The following ADAM19 variants were observed in gnomAD, a reference collection of about 807,000 sequenced individuals.
The protein encoded by ADAM19 is disintegrin and metalloproteinase domain-containing protein 19.
In ADAM19, 65 loss-of-function variants were observed where a neutral mutation model predicts 114.7. The observed-to-expected ratio is 0.57, with a 90% confidence interval of 0.46 to 0.70. ADAM19 has a LOEUF of 0.70. Among genes scored for constraint, ADAM19 ranks in the 30% least tolerant of loss-of-function variants. The probability of loss-of-function intolerance (pLI) is 0.00; values close to 1 mark genes in which losing one functional copy is unlikely to be tolerated. For synonymous variants in ADAM19, 466 were observed against 460.5 expected (o/e 1.01, Z -0.15); for missense variants, 1,063 against 1,204.7 (o/e 0.88, Z 1.74).
At chr5:157,525,117 AG>A (rs1756416464) in intron 5 of ADAM19, among the ~76,000 whole-genome samples, 1 of 152,262 alleles carries the variant, frequency 6.6e-6, no homozygotes, top group Non-Finnish European at 1.5e-5. Flanking sequence ...TGAGAACTTA[AG>A]TAGCTTGGCA....
Position 157,494,540 on chromosome 5 carries a change from G to T in ADAM19, c.1703+147C>A, listed in dbSNP as rs191481240. 129 of 596,572 alleles carry T rather than the reference G, an allele frequency of 2.2e-4. 1 individual carries two copies. In the East Asian group the frequency reaches 3.8e-3, roughly 18 times the overall value. 37.0% of individuals were successfully genotyped at this position (596,572 alleles called of 1,614,324 possible). Reference sequence around the variant, plus strand: ...GCTGAAAAGTGCATTGTCAAACAGGGGGCCGAGAATAGATGACTGACTTCA... The same window carrying T: ...GCTGAAAAGTGCATTGTCAAACAGGTGGCCGAGAATAGATGACTGACTTCA... On this transcript the variant is annotated intron_variant, in intron 15 of 22. Transcript: ENST00000257527.
At chr5:157,517,673 C>T (rs1047511002) in intron 7 of ADAM19, among the ~76,000 whole-genome samples, 10 of 152,172 alleles carry the variant, frequency 6.6e-5, no homozygotes, top group Non-Finnish European at 1.5e-4. Flanking sequence ...CTCTGCGATG[C>T]CTGGGGAGGG....
rs565315352 is a variant in ADAM19, at chr5:157,545,341, G to A, written c.252-7350C>T. Reference sequence around the variant, plus strand: ...CCCCTCTCGTTGCATTGCTGACTAGGGCACCTGGAGTTGGTCAAGATCCCT... The same window carrying A: ...CCCCTCTCGTTGCATTGCTGACTAGAGCACCTGGAGTTGGTCAAGATCCCT... On this transcript the variant is annotated intron_variant, in intron 3 of 22. Coordinates refer to ENST00000257527, the MANE Select transcript of ADAM19 (RefSeq NM_033274.5). 1.4e-3 allele frequency among the ~76,000 whole-genome samples: 206 copies of A among 152,096 alleles called. 5 individuals carry two copies. The highest frequency in any genetic ancestry group is 4.1e-4 in the Non-Finnish European group (28 of 68,022).
At chr5:157,499,496 C>T in intron 13 of ADAM19, 77 bp downstream of exon 13, 2 of 1,288,644 alleles carry the variant, frequency 1.6e-6, no homozygotes, top group South Asian at 1.2e-5. Flanking sequence ...AAATCCCCAG[C>T]CATCCACCCC....
At chr5:157,573,512 G>A (rs1478289491) in intron 1 of ADAM19, among the ~76,000 whole-genome samples, 2 of 152,196 alleles carry the variant, frequency 1.3e-5, no homozygotes, top group East Asian at 3.9e-4. Flanking sequence ...TTAGGAGGCC[G>A]AGGCGGGCGG....
intron 2 of ADAM19, among the ~76,000 whole-genome samples, chr5:157,569,515 T>TC (rs1401932086): frequency 7.0e-6 from 1 of 142,574 alleles, no homozygotes; most frequent in Non-Finnish European, 1.5e-5. Flanking sequence ...TGCCTCAGCC[T>TC]CCCAAAGTGC....
At chr5:157,522,440 CT>C (rs1276990251) in intron 5 of ADAM19, among the ~76,000 whole-genome samples, 1 of 152,210 alleles carries the variant, frequency 6.6e-6, no homozygotes, top group Non-Finnish European at 1.5e-5. Flanking sequence ...TGGAAGCATT[CT>C]AGTTCCAAGT....
intron 3 of ADAM19, among the ~76,000 whole-genome samples, chr5:157,559,259 CA>C (rs1248270531): frequency 1.3e-5 from 2 of 152,140 alleles, no homozygotes; most frequent in African/African-American, 4.8e-5. Context: ...GGGGTTAGAC[CA>C]AAGGACGTCT....
intron 22 of ADAM19, 190 bp from the exon 23 acceptor site, chr5:157,481,192 G>T: frequency 1.4e-6 from 1 of 712,998 alleles, no homozygotes; most frequent in Non-Finnish European, 2.3e-6. Context: ...TGTGGTAGGT[G>T]CCCCTATCTC....
chr5:157,482,876 A>G (rs62388501), intron 21 of ADAM19, among the ~76,000 whole-genome samples: 42,192 of 152,192 alleles, frequency 0.28, 6,561 homozygotes, highest in East Asian at 0.72. Context: ...CTATGCAGCC[A>G]TAAAAAAGGA....
intron 7 of ADAM19, among the ~76,000 whole-genome samples, chr5:157,517,150 C>T (rs1362409558): frequency 6.6e-6 from 1 of 152,218 alleles, no homozygotes; most frequent in African/African-American, 2.4e-5. Flanking sequence ...CAGTGACTAA[C>T]ACTCAAAGAC....
At position 157,494,916 on chromosome 5, in the gene ADAM19, C is replaced by T. The variant is rs11466783; in HGVS notation, c.1595-121G>A. ...TCTGGGAGGGAATACTCAGCCTCTTCTTCCTGTTCCCTCCAGGTTACTCCA... is the reference window on the plus strand; with the variant it reads ...TCTGGGAGGGAATACTCAGCCTCTTTTTCCTGTTCCCTCCAGGTTACTCCA... On this transcript the variant is annotated intron_variant, in intron 14 of 22. Coordinates refer to ENST00000257527, the MANE Select transcript of ADAM19 (RefSeq NM_033274.5). 1,370 of 684,338 alleles carry T rather than the reference C, an allele frequency of 2.0e-3. 15 individuals carry two copies. The African/African-American group carries it at 0.022, about 11-fold the overall frequency. 42.4% of individuals were successfully genotyped at this position (684,338 alleles called of 1,614,324 possible). A position where few individuals can be genotyped will look rare whatever the true frequency, so the allele number is the denominator to read the frequency against.
intron 3 of ADAM19, among the ~76,000 whole-genome samples, chr5:157,556,274 A>AGT (rs1313524719): frequency 8.4e-6 from 1 of 119,586 alleles, no homozygotes; most frequent in Non-Finnish European, 1.6e-5. Context: ...GCTGGAGTGC[A>AGT]GTGGCACAAT....
At chr5:157,520,160 T>C (rs1031028150) in intron 5 of ADAM19, 129 bp from the exon 6 acceptor site, 2 of 837,604 alleles carry the variant, frequency 2.4e-6, no homozygotes, top group Non-Finnish European at 3.7e-6. Flanking sequence ...AACCTAATTA[T>C]GGGGCCATGT....
chr5:157,568,282 T>A (rs1484971984), intron 2 of ADAM19: 1 of 152,240 alleles, frequency 6.6e-6, no homozygotes. Context: ...CCAGGAGTAG[T>A]AATCTTTATT....
rs748551250 is a variant in ADAM19 at position 157,497,101 on chromosome 5, A to G, written c.1399-12T>C. 2 of 1,499,362 alleles carry G rather than the reference A, an allele frequency of 1.3e-6. No individual in the cohort carries two copies. The highest frequency in any genetic ancestry group is 1.4e-5 in the South Asian group (1 of 73,634). 92.9% of individuals were successfully genotyped at this position (1,499,362 alleles called of 1,614,324 possible). A position where few individuals can be genotyped will look rare whatever the true frequency, so the allele number is the denominator to read the frequency against. Reference sequence around the variant, plus strand: ...CCAGGAGCCAACAGCTGAGCCAAGGAATGAGAGGAAAACACAGTCAATCTC... The same window carrying G: ...CCAGGAGCCAACAGCTGAGCCAAGGGATGAGAGGAAAACACAGTCAATCTC... On this transcript the variant is annotated splice_polypyrimidine_tract_variant and intron_variant, in intron 13 of 22. Coordinates refer to ENST00000257527, the MANE Select transcript of ADAM19 (RefSeq NM_033274.5).
chr5:157,575,451 A>T (rs899918832), intron 1 of ADAM19, 152 bp downstream of exon 1: 1 of 528,454 alleles, frequency 1.9e-6, no homozygotes, highest in Non-Finnish European at 3.0e-6. Context: ...GTGGGAACAA[A>T]GCCCGGGCTC....
At chr5:157,561,834 A>C (rs1757516822) in intron 3 of ADAM19, among the ~76,000 whole-genome samples, 2 of 151,982 alleles carry the variant, frequency 1.3e-5, no homozygotes, top group African/African-American at 4.8e-5. Flanking sequence ...TTCCCACTAG[A>C]ATAGAAGCTC....
intron 8 of ADAM19, among the ~76,000 whole-genome samples, chr5:157,509,848 A>G (rs1444808452): frequency 6.6e-6 from 1 of 152,240 alleles, no homozygotes; most frequent in Non-Finnish European, 1.5e-5. Flanking sequence ...GTTCTGCATG[A>G]TGTTCAAGTA....
Sources: gnomAD v4.1 joint callset for allele counts (sites outside exome capture counted in the v4.1 genomes callset) on GRCh38, gnomAD v4.1.1 for gene constraint, MANE v1.5 for transcripts, NCBI Gene and HGNC (gene_info 2026-07-23, HGNC 2026-07-21) for gene names.